Variants in PLBD1 observed in about 807,000 individuals in gnomAD.
PLBD1 encodes phospholipase B domain containing 1.
PLBD1 carries 60 observed loss-of-function variants against 63.0 expected under a neutral mutation model. That is an observed-to-expected ratio of 0.95 (90% CI 0.77 to 1.18). The LOEUF (loss-of-function observed/expected upper bound fraction) is 1.18, where lower values mean the gene tolerates loss of function less well. Among genes scored for constraint, PLBD1 ranks in the 50% most tolerant of loss-of-function variants. The pLI is 0.00. For synonymous variants in PLBD1, 262 were observed against 248.0 expected (o/e 1.06, Z -0.53); for missense variants, 598 against 677.9 (o/e 0.88, Z 1.31).
At chr12:14,562,972 A>G (rs1303475506) in intron 1 of PLBD1, among the ~76,000 whole-genome samples, 2 of 152,200 alleles carry the variant, frequency 1.3e-5, no homozygotes, top group Non-Finnish European at 2.9e-5. Context: ...GTTTCTTAGC[A>G]TATATATTAT....
Position 14,506,816 on chromosome 12 carries a change from C to G in PLBD1, c.1372+117G>C. ...TAAAATGTACAATATTAGTTAAATA[C>G]TTAAATAACTTCTTATAATTCCTTC... is the stretch of plus-strand genomic sequence containing the variant. On this transcript the variant is annotated intron_variant, in intron 9 of 10. Transcript: ENST00000240617. The G allele has an allele frequency of 9.3e-6, 8 of 861,058 alleles. 1 individual carries two copies. In the South Asian group the frequency reaches 1.9e-4, roughly 20 times the overall value. The allele number at this position is 861,058 out of a possible 1,614,324, so 53.3% of individuals were successfully genotyped here.
At chr12:14,545,189 C>G (rs1945607868) in intron 2 of PLBD1, among the ~76,000 whole-genome samples, 1 of 152,190 alleles carries the variant, frequency 6.6e-6, no homozygotes, top group Non-Finnish European at 1.5e-5. Flanking sequence ...CCTCCCCACC[C>G]CACACCCCCA....
intron 2 of PLBD1, among the ~76,000 whole-genome samples, chr12:14,547,931 C>T (rs966189785): frequency 1.3e-5 from 2 of 152,056 alleles, no homozygotes; most frequent in Non-Finnish European, 2.9e-5. Context: ...TACTCACAAG[C>T]GTCGTGACTT....
intron 3 of PLBD1, among the ~76,000 whole-genome samples, chr12:14,541,536 G>T (rs1945570692): frequency 6.6e-6 from 1 of 152,098 alleles, no homozygotes; most frequent in South Asian, 2.1e-4. Context: ...TTTCTGACTT[G>T]TCCAGGCTAT....
rs1373347714 is a variant in PLBD1 at position 14,567,615 on chromosome 12, ACAGCGGCAG to A, written c.73_81del (p.Pro26_Leu28del). ...TTCGGCGGCTCCGCGGTGACTAACA[ACAGCGGCAG>A]CAGCAGCAGCAGCAGCAGAAGCGGT... On this transcript the variant is annotated inframe_deletion, in exon 1 of 11. Transcript: ENST00000240617. The A allele has an allele frequency of 1.4e-6, 2 of 1,470,350 alleles. No homozygotes were observed. The highest frequency in any genetic ancestry group is 2.9e-5 in the East Asian group (1 of 34,506). 91.1% of individuals were successfully genotyped at this position (1,470,350 alleles called of 1,614,324 possible). A position where few individuals can be genotyped will look rare whatever the true frequency, so the allele number is the denominator to read the frequency against.
At chr12:14,505,762 T>C (rs756566936) in intron 10 of PLBD1, among the ~76,000 whole-genome samples, 86 of 152,384 alleles carry the variant, frequency 5.6e-4, no homozygotes, top group African/African-American at 1.4e-3. Flanking sequence ...TTGAATAATA[T>C]GTTCTTTGGA....
Position 14,511,261 on chromosome 12 carries a change from T to C in PLBD1, c.1185A>G (p.Lys395=). 6.4e-7 allele frequency: 1 copy of C among 1,570,278 alleles called. No homozygotes were observed. The highest frequency in any genetic ancestry group is 8.6e-7 in the Non-Finnish European group (1 of 1,159,130). ...EYSEQTDVLR[K]GYWPSYNVPF... ...AGACTTACGACATGAAGAAAGTACC[T>C]TTCCGTAGAACATCAGTTTGTTCAG... The change falls in exon 8 of 11, where the codon AAA becomes AAG. Residue 395 remains lysine, a splice_region_variant and synonymous_variant. Transcript: ENST00000240617.
intron 2 of PLBD1, among the ~76,000 whole-genome samples, chr12:14,548,586 A>G (rs1945634183): frequency 1.3e-5 from 2 of 152,122 alleles, no homozygotes; most frequent in African/African-American, 4.8e-5. Flanking sequence ...AATGGAGCAA[A>G]AGAGGTAACA....
Position 14,503,810 on chromosome 12 carries a change from T to TA in PLBD1, c.1623dup (p.Ile542TyrfsTer10). 1 of 1,613,896 alleles carries TA rather than the reference T, an allele frequency of 6.2e-7. No homozygotes were observed. Among genetic ancestry groups the TA allele is most frequent in the Non-Finnish European group, 8.5e-7 (1 of 1,179,842 alleles). On this transcript the variant is annotated frameshift_variant, in exon 11 of 11. Coordinates refer to ENST00000240617, the MANE Select transcript of PLBD1 (RefSeq NM_024829.6). LOFTEE classifies it high-confidence loss of function. ...AGTTTCAAAATTGGTTTCATGGTAA[T>TA]AAAATCAAAGTTGTAGACCTCTGGC...
chr12:14,562,011 C>T (rs183707392), intron 1 of PLBD1, among the ~76,000 whole-genome samples: 5 of 152,224 alleles, frequency 3.3e-5, no homozygotes, highest in Admixed American at 3.3e-4. Flanking sequence ...AGAATAACAC[C>T]GGTGTGAATA....
chr12:14,532,147 C>T (rs774380156), intron 6 of PLBD1, among the ~76,000 whole-genome samples: 1 of 152,174 alleles, frequency 6.6e-6, no homozygotes, highest in Admixed American at 6.5e-5. Flanking sequence ...GCCTATAAGT[C>T]GAGCTGGAAG....
Position 14,514,742 on chromosome 12 carries a change from A to ATTT in PLBD1, c.845-3034_845-3032dup, listed in dbSNP as rs3083807. On this transcript the variant is annotated intron_variant, in intron 6 of 10. Coordinates refer to ENST00000240617, the MANE Select transcript of PLBD1 (RefSeq NM_024829.6). Reference sequence around the variant, plus strand: ...CTACATACAATTATAATCTTTTTAAATTTTTTTTTTTTTTGAGACAGGGTC... The same window carrying ATTT: ...CTACATACAATTATAATCTTTTTAAATTTTTTTTTTTTTTTTTGAGACAGGGTC... 4.4e-4 allele frequency among the ~76,000 whole-genome samples: 65 copies of ATTT among 147,318 alleles called. 1 individual carries two copies. Among genetic ancestry groups the ATTT allele is most frequent in the Admixed American group, 1.0e-3 (15 of 14,794 alleles).
chr12:14,552,884 T>C (rs955759911), intron 2 of PLBD1, among the ~76,000 whole-genome samples: 2 of 152,176 alleles, frequency 1.3e-5, no homozygotes, highest in Non-Finnish European at 2.9e-5. Flanking sequence ...AATTCTGAGC[T>C]GGGCACAGTG....
At chr12:14,549,149 T>C (rs751349059) in intron 2 of PLBD1, among the ~76,000 whole-genome samples, 3 of 152,224 alleles carry the variant, frequency 2.0e-5, no homozygotes, top group Admixed American at 6.5e-5. Context: ...ATACTTAGAA[T>C]TTGTTTCTAA....
intron 1 of PLBD1, among the ~76,000 whole-genome samples, chr12:14,559,890 C>A (rs1451445371): frequency 7.0e-6 from 1 of 143,780 alleles, no homozygotes; most frequent in Non-Finnish European, 1.5e-5. Flanking sequence ...ACAGAGTTTT[C>A]GCTCTTATTG....
intron 4 of PLBD1, among the ~76,000 whole-genome samples, chr12:14,539,889 C>CAT (rs1945552092): frequency 2.0e-5 from 3 of 148,346 alleles, no homozygotes; most frequent in Admixed American, 6.8e-5. Flanking sequence ...TGTATATACA[C>CAT]ATATATATAC....
chr12:14,553,231 C>T lies in PLBD1; in HGVS notation c.297G>A (p.Met99Ile). The stretch of plus-strand genomic sequence containing the variant: ...AACCCTCCAAAAAGCCAGCCACAAA[C>T]ATGATGATCTCATTGCTCAGGGTTT... ...GSQTLSNEII[M>I]FVAGFLEGYL... Residue 99 changes from methionine (M) to isoleucine (I), a missense_variant, in exon 2 of 11, where the codon ATG (methionine) becomes ATA (isoleucine). By Grantham distance (10) the Met-to-Ile change is conservative. Coordinates refer to ENST00000240617, the MANE Select transcript of PLBD1 (RefSeq NM_024829.6). 1 of 1,613,930 alleles carries T rather than the reference C, an allele frequency of 6.2e-7. No individual in the cohort carries two copies. The highest frequency in any genetic ancestry group is 1.1e-5 in the South Asian group (1 of 91,050).
In PLBD1 at chr12:14,553,346, T is replaced by TA; in HGVS notation, c.181_182insT (p.Asp61ValfsTer12). On this transcript the variant is annotated frameshift_variant, in exon 2 of 11. Coordinates refer to ENST00000240617, the MANE Select transcript of PLBD1 (RefSeq NM_024829.6). LOFTEE classifies it high-confidence loss of function. ...AAAGCCATAGGCGTCCCCATTCTTG[T>TA]CCATTACATTTTTGACTTGTACTGT... 6.2e-7 allele frequency: 1 copy of TA among 1,614,220 alleles called. No homozygotes were observed. Among genetic ancestry groups the TA allele is most frequent in the Non-Finnish European group, 8.5e-7 (1 of 1,180,042 alleles).
intron 2 of PLBD1, among the ~76,000 whole-genome samples, chr12:14,543,143 C>T (rs1378704658): frequency 6.6e-6 from 1 of 151,538 alleles, no homozygotes; most frequent in Non-Finnish European, 1.5e-5. Context: ...ATTTACTATC[C>T]CTTTATTTGT....
Sources: allele counts gnomAD v4.1 joint callset (sites outside exome capture counted in the v4.1 genomes callset), GRCh38; gene constraint gnomAD v4.1.1; transcripts MANE v1.5; gene names NCBI Gene and HGNC (gene_info 2026-07-23, HGNC 2026-07-21).